Variants in CCDC144A observed in about 807,000 individuals in gnomAD.
CCDC144A encodes the protein coiled-coil domain-containing protein 144A.
Under a neutral mutation model 143.8 loss-of-function variants are expected in CCDC144A, and 41 were observed. That is an observed-to-expected ratio of 0.29 (90% CI 0.22 to 0.37). The LOEUF (loss-of-function observed/expected upper bound fraction) is 0.37, where lower values mean the gene tolerates loss of function less well. Ranked by LOEUF, CCDC144A falls within the 10% of genes least tolerant of loss-of-function variation. The probability of loss-of-function intolerance (pLI) is 1.00; values close to 1 mark genes in which losing one functional copy is unlikely to be tolerated. For missense variants in CCDC144A, 637 were observed against 1,488.8 expected (o/e 0.43, Z 9.41); for synonymous variants, 242 against 517.9 (o/e 0.47, Z 7.23).
At chr17:16,754,252 A>G (rs2649357) in intron 12 of CCDC144A, among the ~76,000 whole-genome samples, 1 of 152,184 alleles carries the variant, frequency 6.6e-6, no homozygotes, top group East Asian at 1.9e-4. Context: ...AGTCTACCTC[A>G]TTCAGTTCTG....
Position 16,690,629 on chromosome 17 carries a change from C to T in CCDC144A, c.229C>T (p.Arg77Cys), listed in dbSNP as rs752415238. 13 of 1,613,780 alleles carry T rather than the reference C, an allele frequency of 8.1e-6. No homozygotes were observed. The highest frequency in any genetic ancestry group is 1.1e-5 in the Non-Finnish European group (13 of 1,179,854). The part of the protein sequence containing the change: ...GALDQPQHDV[R>C]LEDLGELHRA... Reference sequence around the variant, plus strand: ...CTTAGACCAGCCCCAGCACGACGTCCGCCTGGAAGATCTTGGCGAGCTCCA... The same window carrying T: ...CTTAGACCAGCCCCAGCACGACGTCTGCCTGGAAGATCTTGGCGAGCTCCA... The change falls in exon 1 of 17, where the codon CGC becomes TGC. Residue 77 changes from arginine to cysteine, a missense_variant. Arg to Cys is a radical substitution (Grantham distance 180). Transcript: ENST00000399273.
At chr17:16,757,099 T>G (rs1349085151) in intron 12 of CCDC144A, among the ~76,000 whole-genome samples, 1 of 152,284 alleles carries the variant, frequency 6.6e-6, no homozygotes, top group Non-Finnish European at 1.5e-5. Context: ...GGTCTGGCCC[T>G]TGGGCCTCCA....
chr17:16,711,154 AAAAAC>A (rs1319648067), intron 5 of CCDC144A, among the ~76,000 whole-genome samples: 4 of 142,552 alleles, frequency 2.8e-5, no homozygotes, highest in South Asian at 2.2e-4. Context: ...AAAAAAAAAA[AAAAAC>A]AAAAGTTAGT....
chr17:16,676,754 A>G, the CCDC144A span, among the ~76,000 whole-genome samples: 1 of 152,052 alleles, frequency 6.6e-6, no homozygotes, highest in African/African-American at 2.4e-5. Context: ...TGGTCAAACC[A>G]CATATACAGG....
Position 16,690,332 on chromosome 17 carries a change from C to G in CCDC144A, c.-69C>G, listed in dbSNP as rs528522303. 5 of 1,275,392 alleles carry G rather than the reference C, an allele frequency of 3.9e-6. No homozygotes were observed. Among genetic ancestry groups the G allele is most frequent in the Non-Finnish European group, 5.3e-6 (5 of 941,512 alleles). 79.0% of individuals were successfully genotyped at this position (1,275,392 alleles called of 1,614,324 possible). A position where few individuals can be genotyped will look rare whatever the true frequency, so the allele number is the denominator to read the frequency against. ...TTGGCATTTCTGGCTTGGCGGTCCTCCTTTCGCAGATTGGAAACCGCGGGC... is the reference window on the plus strand; with the variant it reads ...TTGGCATTTCTGGCTTGGCGGTCCTGCTTTCGCAGATTGGAAACCGCGGGC... On this transcript the variant is annotated 5_prime_UTR_variant, in exon 1 of 17. Coordinates refer to ENST00000399273, the MANE Select transcript of CCDC144A (RefSeq NM_001382000.1).
chr17:16,693,159 C>A (rs1911187857), intron 2 of CCDC144A, 110 bp downstream of exon 2: 3 of 963,368 alleles, frequency 3.1e-6, no homozygotes, highest in Non-Finnish European at 3.0e-6. Flanking sequence ...ATCTTTATTT[C>A]TTTCTTGATA....
the CCDC144A span, among the ~76,000 whole-genome samples, chr17:16,679,370 A>G: frequency 6.6e-6 from 1 of 152,146 alleles, no homozygotes; most frequent in Non-Finnish European, 1.5e-5. Context: ...GTAACAAATG[A>G]TAAACCTTAT....
chr17:16,769,498 T>C (rs1374261448), intron 15 of CCDC144A, among the ~76,000 whole-genome samples: 28 of 152,370 alleles, frequency 1.8e-4, no homozygotes, highest in Non-Finnish European at 3.1e-4. Context: ...TTTCTATAAA[T>C]AACTCACAAC....
chr17:16,673,846 A>T, the CCDC144A span, among the ~76,000 whole-genome samples: 32 of 152,200 alleles, frequency 2.1e-4, 1 homozygote, highest in South Asian at 4.8e-3. Flanking sequence ...TATTTTTTTT[A>T]AATTATTTTT....
the CCDC144A span, among the ~76,000 whole-genome samples, chr17:16,677,188 C>T: frequency 8.5e-5 from 13 of 152,062 alleles, no homozygotes; most frequent in African/African-American, 2.7e-4. Context: ...CTCTTCCCTC[C>T]ACTTCTTCTA....
At chr17:16,671,271 C>A in the CCDC144A span, among the ~76,000 whole-genome samples, 1 of 152,018 alleles carries the variant, frequency 6.6e-6, no homozygotes, top group African/African-American at 2.4e-5. Flanking sequence ...GTGTGAGCAA[C>A]CATGCCTGGC....
intron 9 of CCDC144A, among the ~76,000 whole-genome samples, chr17:16,730,069 G>A (rs1913667825): frequency 7.5e-6 from 1 of 132,564 alleles, no homozygotes; most frequent in African/African-American, 3.0e-5. Flanking sequence ...AAACTTCTGG[G>A]CTCAAGTCAT....
intron 8 of CCDC144A, among the ~76,000 whole-genome samples, chr17:16,726,243 C>T (rs1004884529): frequency 6.6e-6 from 1 of 151,384 alleles, no homozygotes; most frequent in Non-Finnish European, 1.5e-5. Context: ...TAGCCGGGCG[C>T]GGTGGCAGGC....
At chr17:16,771,340 C>T (rs1282659186) in intron 15 of CCDC144A, among the ~76,000 whole-genome samples, 2 of 152,230 alleles carry the variant, frequency 1.3e-5, no homozygotes, top group Non-Finnish European at 2.9e-5. Context: ...CTGGCTCTAA[C>T]CTGTATTTAT....
chr17:16,723,852 G>T (rs1330083273), intron 8 of CCDC144A, among the ~76,000 whole-genome samples: 15 of 152,128 alleles, frequency 9.9e-5, no homozygotes, highest in Admixed American at 9.8e-4. Context: ...GATGCTTATT[G>T]TATCATTTCC....
At chr17:16,770,091 G>A (rs1228839724) in intron 15 of CCDC144A, among the ~76,000 whole-genome samples, 1 of 151,878 alleles carries the variant, frequency 6.6e-6, no homozygotes, top group Non-Finnish European at 1.5e-5. Flanking sequence ...CTCCCAAAGT[G>A]CTGAGATTAC....
At chr17:16,731,078 A>G (rs1173024695) in intron 9 of CCDC144A, 1 of 152,006 alleles carries the variant, frequency 6.6e-6, no homozygotes, top group East Asian at 1.9e-4. Context: ...ATATGCAGAT[A>G]AAATTAATTC....
At chr17:16,758,003 CTT>C (rs1348972999) in intron 12 of CCDC144A, among the ~76,000 whole-genome samples, 1 of 152,182 alleles carries the variant, frequency 6.6e-6, no homozygotes, top group Non-Finnish European at 1.5e-5. Flanking sequence ...AGTATACTCT[CTT>C]TGATGTTTTC....
At chr17:16,682,916 T>TA in the CCDC144A span, among the ~76,000 whole-genome samples, 2 of 102,650 alleles carry the variant, frequency 1.9e-5, no homozygotes, top group Non-Finnish European at 3.8e-5. Context: ...TTTTTTTTTT[T>TA]TTTGAGACAG....
Sources: gnomAD v4.1 joint callset for allele counts (sites outside exome capture counted in the v4.1 genomes callset) on GRCh38, gnomAD v4.1.1 for gene constraint, MANE v1.5 for transcripts, NCBI Gene and HGNC (gene_info 2026-07-23, HGNC 2026-07-21) for gene names.